Variants in TRERF1 observed in about 807,000 individuals in gnomAD.
The protein encoded by TRERF1 is transcriptional regulating factor 1.
TRERF1 carries 27 observed loss-of-function variants against 122.9 expected under a neutral mutation model. The observed-to-expected ratio is 0.22, with a 90% confidence interval of 0.16 to 0.30. TRERF1 has a LOEUF of 0.30. Ranked by LOEUF, TRERF1 falls within the 10% of genes least tolerant of loss-of-function variation. The probability of loss-of-function intolerance (pLI) is 1.00; values close to 1 mark genes in which losing one functional copy is unlikely to be tolerated. For missense variants in TRERF1, 1,248 were observed against 1,560.3 expected, an observed-to-expected ratio of 0.80 and a Z score of 3.37; for synonymous variants, 636 against 641.7, an observed-to-expected ratio of 0.99 and a Z score of 0.13.
intron 2 of TRERF1, among the ~76,000 whole-genome samples, chr6:42,424,533 C>A (rs775749577): frequency 6.6e-6 from 1 of 152,048 alleles, no homozygotes; most frequent in Non-Finnish European, 1.5e-5. Flanking sequence ...AAAAAAAATC[C>A]AAAATCTGAA....
intron 10 of TRERF1, among the ~76,000 whole-genome samples, chr6:42,257,455 A>AT (rs1353268692): frequency 3.3e-5 from 5 of 152,196 alleles, no homozygotes; most frequent in Non-Finnish European, 7.3e-5. Flanking sequence ...CAAAGCATTC[A>AT]TTTTTTTATC....
intron 5 of TRERF1, among the ~76,000 whole-genome samples, chr6:42,266,362 G>T (rs116755684): frequency 0.016 from 2,429 of 151,870 alleles, 70 homozygotes; most frequent in African/African-American, 0.054. Context: ...CTAAATTTTT[G>T]ATTTTTTGTA....
chr6:42,350,767 A>T (rs1269817933), intron 3 of TRERF1, among the ~76,000 whole-genome samples: 1 of 152,226 alleles, frequency 6.6e-6, no homozygotes, highest in East Asian at 1.9e-4. Context: ...GTATAATACC[A>T]CACATCGGGG....
intron 4 of TRERF1, 134 bp downstream of exon 4, chr6:42,300,503 CA>C (rs1785984223): frequency 6.6e-6 from 1 of 152,518 alleles, no homozygotes; most frequent in African/African-American, 2.4e-5. Flanking sequence ...AAGTGACATG[CA>C]CTTTCTAAGT....
intron 2 of TRERF1, among the ~76,000 whole-genome samples, chr6:42,439,538 C>T (rs1037131316): frequency 6.6e-6 from 1 of 152,122 alleles, no homozygotes; most frequent in African/African-American, 2.4e-5. Flanking sequence ...GAGCTGAGAT[C>T]GCACTGCTGC....
At chr6:42,239,604 C>T (rs756465750) in intron 15 of TRERF1, among the ~76,000 whole-genome samples, 2 of 152,150 alleles carry the variant, frequency 1.3e-5, no homozygotes, top group African/African-American at 4.8e-5. Context: ...AATGGTCACC[C>T]GCCCTTACGT....
intron 3 of TRERF1, among the ~76,000 whole-genome samples, chr6:42,353,302 C>A (rs77631448): frequency 0.037 from 5,698 of 152,068 alleles, 285 homozygotes; most frequent in East Asian, 0.24. Flanking sequence ...AAAAACAACT[C>A]AGGGCCGGGT....
Position 42,269,417 on chromosome 6 carries a change from A to T in TRERF1, c.174T>A (p.Pro58=), listed in dbSNP as rs750424909. 1 of 1,614,126 alleles carries T rather than the reference A, an allele frequency of 6.2e-7. No individual in the cohort carries two copies. The highest frequency in any genetic ancestry group is 8.5e-7 in the Non-Finnish European group (1 of 1,180,020). The change falls in exon 5 of 18, where the codon CCT becomes CCA. Residue 58 remains proline, a synonymous_variant. Transcript: ENST00000372922. The surrounding 1 kb of genome is among the most constrained non-coding windows in gnomAD (Gnocchi z 4.9). ...AGCCCAGACCATCCCGTGTATCTTG[A>T]GGGAAGTGGGGGGAGATTGGCGAGG...
At chr6:42,357,328 CAAAAAAAA>C (rs35651008) in intron 3 of TRERF1, among the ~76,000 whole-genome samples, 11 of 61,158 alleles carry the variant, frequency 1.8e-4, no homozygotes, top group East Asian at 1.5e-3. Flanking sequence ...GACTCTGTCT[CAAAAAAAA>C]AAAAAAAAAA....
chr6:42,411,835 G>A (rs931019864), intron 2 of TRERF1, among the ~76,000 whole-genome samples: 2 of 152,094 alleles, frequency 1.3e-5, no homozygotes, highest in Admixed American at 1.3e-4. Flanking sequence ...GGAACATGGA[G>A]AATCTGACTT....
Position 42,259,363 on chromosome 6 carries a change from G to T in TRERF1, c.2245C>A (p.Pro749Thr). 6.6e-7 allele frequency: 1 copy of T among 1,515,162 alleles called. No individual in the cohort carries two copies. The highest frequency in any genetic ancestry group is 1.3e-5 in the South Asian group (1 of 76,388). The allele number at this position is 1,515,162 out of a possible 1,614,324, so 93.9% of individuals were successfully genotyped here. Reference sequence around the variant, plus strand: ...CTGGAGCGACACAGCAGCACCCGTGGTGTGGGCGTCAGGGGCGTCAGGGGC... The same window carrying T: ...CTGGAGCGACACAGCAGCACCCGTGTTGTGGGCGTCAGGGGCGTCAGGGGC... Residue 749 changes from proline (P) to threonine (T), a missense_variant, in exon 9 of 18, where the codon CCA (proline) becomes ACA (threonine). By Grantham distance (38) the Pro-to-Thr change is conservative. Transcript: ENST00000372922. The surrounding 1 kb of genome is among the most constrained non-coding windows in gnomAD (Gnocchi z 4.9).
Position 42,268,391 on chromosome 6 carries a change from C to T in TRERF1, c.1200G>A (p.Gln400=). 1 of 1,542,962 alleles carries T rather than the reference C, an allele frequency of 6.5e-7. No individual in the cohort carries two copies. Among genetic ancestry groups the T allele is most frequent in the Non-Finnish European group, 8.7e-7 (1 of 1,146,040 alleles). The change falls in exon 5 of 18, where the codon CAG becomes CAA. Residue 400 remains glutamine (Q), a synonymous_variant. Coordinates refer to ENST00000372922, the Ensembl canonical transcript of TRERF1. The surrounding 1 kb of genome is among the most constrained non-coding windows in gnomAD (Gnocchi z 4.4). ...TCTTCAGCTGACTGTCCTCACGCTG[C>T]TGGTGCTGGGACAGGTGGCTCTGCT...
chr6:42,311,642 TGTAGTCCTA>T (rs1761665822), intron 3 of TRERF1, among the ~76,000 whole-genome samples: 1 of 151,698 alleles, frequency 6.6e-6, no homozygotes, highest in South Asian at 2.1e-4. Context: ...GGCGGGCGTC[TGTAGTCCTA>T]GCTACTCGGG....
chr6:42,374,065 G>A (rs1295195940), intron 2 of TRERF1, among the ~76,000 whole-genome samples: 9 of 151,520 alleles, frequency 5.9e-5, no homozygotes, highest in Admixed American at 6.6e-5. Flanking sequence ...CCAGGGAGTC[G>A]GAGGTTGCAG....
At chr6:42,270,777 T>A (rs1780074794) in intron 4 of TRERF1, among the ~76,000 whole-genome samples, 1 of 147,036 alleles carries the variant, frequency 6.8e-6, no homozygotes, top group African/African-American at 2.5e-5. Flanking sequence ...TCTTTTTTTT[T>A]TTTTTTTTTT....
chr6:42,271,184 TAA>T (rs761098527), intron 4 of TRERF1, among the ~76,000 whole-genome samples: 355 of 102,604 alleles, frequency 3.5e-3, no homozygotes, highest in African/African-American at 0.011. Context: ...AAACTCCATC[TAA>T]AAAAAAAAAA....
intron 8 of TRERF1, among the ~76,000 whole-genome samples, chr6:42,262,191 C>G (rs1778019861): frequency 6.6e-6 from 1 of 152,082 alleles, no homozygotes. Flanking sequence ...AATCTTCCCC[C>G]CAGTTCTCCA....
At chr6:42,366,248 T>C (rs1020308358) in intron 2 of TRERF1, among the ~76,000 whole-genome samples, 5 of 152,208 alleles carry the variant, frequency 3.3e-5, no homozygotes, top group African/African-American at 9.6e-5. Flanking sequence ...TTGAGGGCAA[T>C]GAATCGTGTA....
chr6:42,284,276 G>C (rs968176886), intron 4 of TRERF1, among the ~76,000 whole-genome samples: 6 of 146,356 alleles, frequency 4.1e-5, no homozygotes, highest in Non-Finnish European at 8.9e-5. Flanking sequence ...CTGTTTCCCA[G>C]GCTGGTCTTG....
Sources: gnomAD v4.1 joint callset for allele counts (sites outside exome capture counted in the v4.1 genomes callset) on GRCh38, gnomAD v4.1.1 for gene constraint, Gnocchi (gnomAD v3.1) non-coding constraint, MANE v1.5 for transcripts, NCBI Gene and HGNC (gene_info 2026-07-23, HGNC 2026-07-21) for gene names.